The following EXTL3 variants were observed in gnomAD, a reference collection of about 807,000 sequenced individuals.
EXTL3 encodes exostosin-like 3.
Under a neutral mutation model 69.3 loss-of-function variants are expected in EXTL3, and 27 were observed. The ratio of observed to expected loss-of-function variants is 0.39; its 90% confidence interval spans 0.29 to 0.54. EXTL3 has a LOEUF of 0.54. Among genes scored for constraint, EXTL3 ranks in the 20% least tolerant of loss-of-function variants. The pLI is 0.69. For missense variants in EXTL3, 1,003 were observed against 1,231.8 expected, an observed-to-expected ratio of 0.81 and a Z score of 2.78; for synonymous variants, 511 against 499.4, an observed-to-expected ratio of 1.02 and a Z score of -0.31.
chr8:28,687,396 G>T (rs1807594788), intron 1 of EXTL3, among the ~76,000 whole-genome samples: 1 of 151,910 alleles, frequency 6.6e-6, no homozygotes, highest in East Asian at 1.9e-4. Context: ...AACCCAGGAG[G>T]TGGAGGTTGC....
chr8:28,624,239 A>G (rs1273754648), intron 1 of EXTL3, among the ~76,000 whole-genome samples: 2 of 152,190 alleles, frequency 1.3e-5, no homozygotes, highest in South Asian at 2.1e-4. Flanking sequence ...ATTACATACA[A>G]TATTCCACAT....
At position 28,750,932 on chromosome 8, in the gene EXTL3, C is replaced by T; in HGVS notation, c.*66C>T. On this transcript the variant is annotated 3_prime_UTR_variant, in exon 7 of 7. Coordinates refer to ENST00000220562, the MANE Select transcript of EXTL3 (RefSeq NM_001440.4). The surrounding 1 kb of genome is among the most constrained non-coding windows in gnomAD (Gnocchi z 5.2). ...GAAGATGGCTCCCAAGGTTCCTAGGCATTGCAGGACCTTGGGCACATCTGC... is the reference window on the plus strand; with the variant it reads ...GAAGATGGCTCCCAAGGTTCCTAGGTATTGCAGGACCTTGGGCACATCTGC... 1 of 1,414,216 alleles carries T rather than the reference C, an allele frequency of 7.1e-7. No individual in the cohort carries two copies. 87.6% of individuals were successfully genotyped at this position (1,414,216 alleles called of 1,614,324 possible). A position where few individuals can be genotyped will look rare whatever the true frequency, so the allele number is the denominator to read the frequency against.
chr8:28,630,120 T>C (rs879305477), intron 1 of EXTL3, among the ~76,000 whole-genome samples: 100 of 152,308 alleles, frequency 6.6e-4, no homozygotes, highest in African/African-American at 2.3e-3. Flanking sequence ...AATCTCCATG[T>C]GTCGTGGGAG....
At chr8:28,626,075 G>A (rs1806486274) in intron 1 of EXTL3, among the ~76,000 whole-genome samples, 1 of 150,452 alleles carries the variant, frequency 6.6e-6, no homozygotes, top group Non-Finnish European at 1.5e-5. Context: ...GGGAGGCTGA[G>A]GTGTGAGGAT....
chr8:28,717,720 C>T lies in EXTL3; in HGVS notation c.1661C>T (p.Pro554Leu). Reference sequence around the variant, plus strand: ...CGGGAAGAGGCGGCAGCTGAGATCCCCCACCGTTCAGGCAAGGCGGCTGGA... The same window carrying T: ...CGGGAAGAGGCGGCAGCTGAGATCCTCCACCGTTCAGGCAAGGCGGCTGGA... ...PIREEAAAEI[P>L]HRSGKAAGTD... Residue 554 changes from proline (P) to leucine (L), a missense_variant, in exon 3 of 7, where the codon CCC becomes CTC. By Grantham distance (98) the Pro-to-Leu change is moderately conservative (BLOSUM62 -3). Around this residue, in one of 2 missense-constraint regions of EXTL3, gnomAD observed 742 missense variants for 815.4 expected, o/e 0.91. Transcript: ENST00000220562. The surrounding 1 kb of genome is among the most constrained non-coding windows in gnomAD (Gnocchi z 8.3). 1 of 1,614,260 alleles carries T rather than the reference C, an allele frequency of 6.2e-7. No individual in the cohort carries two copies. Among genetic ancestry groups the T allele is most frequent in the Non-Finnish European group, 8.5e-7 (1 of 1,180,048 alleles).
upstream of EXTL3, chr8:28,700,309 G>T (rs1244901731): frequency 1.3e-5 from 2 of 152,282 alleles, no homozygotes; most frequent in Non-Finnish European, 2.9e-5. Flanking sequence ...TCCGAGTCGG[G>T]ACTAGTTTGG....
intron 6 of EXTL3, chr8:28,744,204 A>G (rs142320801): frequency 6.6e-6 from 1 of 152,356 alleles, no homozygotes; most frequent in African/African-American, 2.4e-5. Context: ...TGTCTGTTTC[A>G]TAATTGAAGA....
intron 1 of EXTL3, among the ~76,000 whole-genome samples, chr8:28,653,898 T>C (rs909386443): frequency 2.0e-5 from 3 of 152,196 alleles, no homozygotes; most frequent in African/African-American, 7.2e-5. Context: ...AATTTTAGAA[T>C]GGGATTTTTC....
upstream of EXTL3, among the ~76,000 whole-genome samples, chr8:28,619,138 A>G (rs903221415): frequency 3.4e-5 from 5 of 147,900 alleles, no homozygotes; most frequent in Admixed American, 6.8e-5. Context: ...CCTGTGTCTC[A>G]GTTCTGTTAC....
At chr8:28,662,764 T>C (rs1406755756) in intron 1 of EXTL3, among the ~76,000 whole-genome samples, 1 of 151,856 alleles carries the variant, frequency 6.6e-6, no homozygotes, top group Non-Finnish European at 1.5e-5. Flanking sequence ...ATACAAAAAT[T>C]AGCCAGGCGT....
intron 3 of EXTL3, among the ~76,000 whole-genome samples, chr8:28,719,350 C>T (rs1188534958): frequency 6.6e-6 from 1 of 152,194 alleles, no homozygotes; most frequent in African/African-American, 2.4e-5. Context: ...TTGATTCCTT[C>T]TTATCCCTTA....
chr8:28,739,702 G>A (rs533221121), intron 5 of EXTL3, among the ~76,000 whole-genome samples: 13 of 152,042 alleles, frequency 8.6e-5, no homozygotes, highest in Non-Finnish European at 1.6e-4. Flanking sequence ...AAAACTTAAT[G>A]TGTGAAGTTG....
chr8:28,713,539 C>CTG lies in EXTL3; in HGVS notation c.-486_-485dup, dbSNP rs1340615530. On this transcript the variant is annotated 5_prime_UTR_variant, in exon 2 of 7. The change creates a premature stop within an existing upstream ORF in the 5' untranslated region. Transcript: ENST00000220562. Reference sequence around the variant, plus strand: ...ACACAAGTCAGAGGAAGGAAGGGTCCTGAAACACATGGTGAGGAAGGAATG... The same window carrying CTG: ...ACACAAGTCAGAGGAAGGAAGGGTCCTGTGAAACACATGGTGAGGAAGGAATG... The CTG allele has an allele frequency of 1.4e-6, 1 of 702,270 alleles. No individual in the cohort carries two copies. Among genetic ancestry groups the CTG allele is most frequent in the East Asian group, 2.7e-5 (1 of 37,274 alleles). The allele number at this position is 702,270 out of a possible 1,614,324, so 43.5% of individuals were successfully genotyped here. A position where few individuals can be genotyped will look rare whatever the true frequency, so the allele number is the denominator to read the frequency against.
chr8:28,654,318 G>T (rs1806971684), intron 1 of EXTL3, among the ~76,000 whole-genome samples: 1 of 152,174 alleles, frequency 6.6e-6, no homozygotes, highest in South Asian at 2.1e-4. Context: ...AGGAGATTTT[G>T]TTGATTTCAT....
At chr8:28,705,416 C>T (rs988698777) in intron 1 of EXTL3, among the ~76,000 whole-genome samples, 6 of 152,090 alleles carry the variant, frequency 3.9e-5, no homozygotes, top group African/African-American at 1.4e-4. Flanking sequence ...GGAGAATGCC[C>T]GAGTCATAAG....
chr8:28,699,997 C>G (rs1800752877), upstream of EXTL3: 1 of 152,050 alleles, frequency 6.6e-6, no homozygotes, highest in African/African-American at 2.4e-5. Context: ...TGCCAAGCCC[C>G]TGCCTGCTGT....
rs1186477578 is a variant in EXTL3, at chr8:28,744,801, A to AG, written c.2550+1587_2550+1588insG. Among the ~76,000 whole-genome samples the AG allele has an allele frequency of 5.6e-4, 84 of 150,848 alleles. 1 individual carries two copies. The East Asian group carries it at 0.012, about 22-fold the overall frequency. On this transcript the variant is annotated intron_variant, in intron 6 of 6. Coordinates refer to ENST00000220562, the MANE Select transcript of EXTL3 (RefSeq NM_001440.4). ...GAGCGAGACTCCATCTCAAAAAAAA[A>AG]AAAAATACACACACACGCACACACA...
At chr8:28,737,444 G>T in intron 4 of EXTL3, 75 bp from the exon 5 acceptor site, 1 of 1,510,416 alleles carries the variant, frequency 6.6e-7, no homozygotes, top group East Asian at 2.3e-5. Flanking sequence ...GTAAGGTGGA[G>T]GCAATAACTG....
At chr8:28,706,414 G>A (rs7813230) in intron 1 of EXTL3, among the ~76,000 whole-genome samples, 2,729 of 152,252 alleles carry the variant, frequency 0.018, 61 homozygotes, top group African/African-American at 0.049. Context: ...TTTAGTATGA[G>A]CATTTTGGAA....
Sources: allele counts gnomAD v4.1 joint callset (sites outside exome capture counted in the v4.1 genomes callset), GRCh38; gene constraint gnomAD v4.1.1; regional missense constraint gnomAD v4.1.1; non-coding constraint Gnocchi (gnomAD v3.1); transcripts MANE v1.5; gene names NCBI Gene and HGNC (gene_info 2026-07-23, HGNC 2026-07-21).